Variants in C13orf46 observed in about 807,000 individuals in gnomAD.
C13orf46 encodes the protein uncharacterized protein C13orf46.
chr13:113,970,861 G>GGTGCTCCC (rs888509459), intron 1 of C13orf46, among the ~76,000 whole-genome samples: 5 of 152,188 alleles, frequency 3.3e-5, no homozygotes, highest in African/African-American at 1.2e-4. Context: ...GCGGTGCTCT[G>GGTGCTCCC]GTGCTCCCGG....
At chr13:113,934,776 C>T in the C13orf46 span, among the ~76,000 whole-genome samples, 18 of 152,234 alleles carry the variant, frequency 1.2e-4, no homozygotes, top group African/African-American at 4.3e-4. Flanking sequence ...CTGTGAGCCA[C>T]CCTGATGGGG....
chr13:113,963,570 CGCCCCTGTCCTCAGCCTCG>C (rs1186982019), intron 6 of C13orf46, among the ~76,000 whole-genome samples: 53 of 143,914 alleles, frequency 3.7e-4, no homozygotes, highest in Non-Finnish European at 6.4e-4. Context: ...TCCTCAGCCT[CGCCCCTGTCCTCAGCCTCG>C]GCCCCTGTCC....
the C13orf46 span, among the ~76,000 whole-genome samples, chr13:113,936,983 T>A: frequency 2.0e-5 from 3 of 152,188 alleles, no homozygotes; most frequent in East Asian, 5.8e-4. Context: ...TTCAGGCTCC[T>A]CTCGTCCTCG....
rs989142339 is a variant in C13orf46, at chr13:113,964,318, A to G, written c.572+609T>C. On this transcript the variant is annotated intron_variant, in intron 6 of 6. Coordinates refer to ENST00000636427, the MANE Select transcript of C13orf46 (RefSeq NM_001365455.2). ...ACTATAGATCCATGGGCCCCCTTCA[A>G]TGGGCCAGTGTCTTCTCTCCCCACA... Among the ~76,000 whole-genome samples, 654 of 152,334 alleles carry G rather than the reference A, an allele frequency of 4.3e-3. 10 individuals carry two copies. In the East Asian group the frequency reaches 0.061, roughly 14 times the overall value.
At chr13:113,971,529 A>G (rs1374312489) in intron 1 of C13orf46, among the ~76,000 whole-genome samples, 3 of 152,192 alleles carry the variant, frequency 2.0e-5, no homozygotes, top group Non-Finnish European at 4.4e-5. Context: ...AACCCAGCGG[A>G]TTCTCACTGT....
intron 1 of C13orf46, among the ~76,000 whole-genome samples, chr13:113,973,415 G>A (rs2052729474): frequency 6.6e-6 from 1 of 152,178 alleles, no homozygotes; most frequent in Non-Finnish European, 1.5e-5. Context: ...GCCGGACGAG[G>A]ATACAAGTGA....
chr13:113,946,434 A>G, the C13orf46 span, among the ~76,000 whole-genome samples: 1 of 152,226 alleles, frequency 6.6e-6, no homozygotes. Flanking sequence ...CGCGGCACAC[A>G]GGAATGCCAG....
the C13orf46 span, among the ~76,000 whole-genome samples, chr13:113,939,395 C>A: frequency 1.3e-5 from 2 of 150,546 alleles, no homozygotes; most frequent in East Asian, 3.9e-4. Context: ...AGGACAGAGA[C>A]CACCCGATGG....
At chr13:113,958,767 G>A (rs1006900488) in intron 6 of C13orf46, among the ~76,000 whole-genome samples, 4 of 152,092 alleles carry the variant, frequency 2.6e-5, no homozygotes, top group African/African-American at 9.7e-5. Context: ...GACTCCTAGC[G>A]GACTGCCCAG....
the C13orf46 span, among the ~76,000 whole-genome samples, chr13:113,942,093 T>C: frequency 6.6e-6 from 1 of 152,250 alleles, no homozygotes. Context: ...AGGCCGATCA[T>C]GGTGGCATGA....
chr13:113,972,891 TGGCTGTGCCC>T lies in C13orf46; in HGVS notation c.190+907_190+916del, dbSNP rs2052723844. ...GCCCTCCTCTCACCCCTCCCGCCCT[TGGCTGTGCCC>T]GGCTGGAGCCCCCACAGCTCCGCCC... On this transcript the variant is annotated intron_variant, in intron 1 of 6. Coordinates refer to ENST00000636427, the MANE Select transcript of C13orf46 (RefSeq NM_001365455.2). 5.9e-5 allele frequency among the ~76,000 whole-genome samples: 9 copies of T among 152,280 alleles called. No individual in the cohort carries two copies. In the Middle Eastern group the frequency reaches 0.01, roughly 173 times the overall value.
the C13orf46 span, among the ~76,000 whole-genome samples, chr13:113,945,258 A>C: frequency 1.4e-4 from 21 of 152,252 alleles, no homozygotes; most frequent in East Asian, 1.2e-3. Flanking sequence ...GCCACACCAC[A>C]TGGCTTGTGG....
At chr13:113,945,632 GAAAGAAAGAAAGAAAGA>G in the C13orf46 span, among the ~76,000 whole-genome samples, 1 of 133,152 alleles carries the variant, frequency 7.5e-6, no homozygotes, top group East Asian at 2.0e-4. Flanking sequence ...AAGAAAGAAA[GAAAGAAAGAAAGAAAGA>G]AAGAAAGAAA....
the C13orf46 span, among the ~76,000 whole-genome samples, chr13:113,938,910 C>A: frequency 6.6e-6 from 1 of 152,070 alleles, no homozygotes; most frequent in African/African-American, 2.4e-5. Context: ...AGCCTCCTGG[C>A]CCCAGGAGGC....
At chr13:113,958,154 C>T (rs1396201304) in intron 6 of C13orf46, among the ~76,000 whole-genome samples, 1 of 148,294 alleles carries the variant, frequency 6.7e-6, no homozygotes, top group Admixed American at 6.7e-5. Context: ...ATCAAGCGCA[C>T]TGGGGGGTCT....
chr13:113,930,386 G>A, the C13orf46 span, among the ~76,000 whole-genome samples: 3 of 105,152 alleles, frequency 2.9e-5, no homozygotes, highest in African/African-American at 1.2e-4. Context: ...AGGCGGGGGC[G>A]CAGGAGCACC....
At chr13:113,957,521 A>G (rs1252001668) in intron 6 of C13orf46, among the ~76,000 whole-genome samples, 4 of 103,748 alleles carry the variant, frequency 3.9e-5, no homozygotes, top group Non-Finnish European at 5.7e-5. Flanking sequence ...TTCATCAAGC[A>G]CACTGGGGGT....
downstream of C13orf46, among the ~76,000 whole-genome samples, chr13:113,952,302 T>G: frequency 7.0e-6 from 1 of 142,968 alleles, no homozygotes; most frequent in East Asian, 2.0e-4. Context: ...CCAGGGCCGC[T>G]GTGTGGCCAC....
rs1458017005 is a variant in C13orf46 at position 113,955,318 on chromosome 13, G to C, written c.*1455C>G. 5.5e-6 allele frequency: 1 copy of C among 181,394 alleles called. No individual in the cohort carries two copies. Among genetic ancestry groups the C allele is most frequent in the African/African-American group, 2.5e-5 (1 of 39,808 alleles). 11.2% of individuals were successfully genotyped at this position (181,394 alleles called of 1,614,324 possible). ...GAGTAGTATCTGGCAGAGAGGAGTA[G>C]TATCTGGTGGAGAGGAGGAGTAGTA... On this transcript the variant is annotated 3_prime_UTR_variant, in exon 7 of 7. Coordinates refer to ENST00000636427, the MANE Select transcript of C13orf46 (RefSeq NM_001365455.2).
Sources: allele counts gnomAD v4.1 joint callset (sites outside exome capture counted in the v4.1 genomes callset), GRCh38; gene constraint gnomAD v4.1.1; transcripts MANE v1.5; gene names NCBI Gene and HGNC (gene_info 2026-07-23, HGNC 2026-07-21).